The following ANXA2 variants were observed in gnomAD, a reference collection of about 807,000 sequenced individuals.
ANXA2 encodes the protein annexin II.
In ANXA2, 28 loss-of-function variants were observed where a neutral mutation model predicts 47.3. That is an observed-to-expected ratio of 0.59 (90% CI 0.44 to 0.81). The LOEUF (loss-of-function observed/expected upper bound fraction) is 0.81. Ranked by LOEUF, ANXA2 falls within the 40% of genes least tolerant of loss-of-function variation. ANXA2 has a pLI of 0.00. For missense variants in ANXA2, 384 were observed against 414.3 expected (o/e 0.93, Z 0.64); for synonymous variants, 172 against 155.5 (o/e 1.11, Z -0.79).
chr15:60,391,927 C>A (rs8024024), intron 1 of ANXA2, among the ~76,000 whole-genome samples: 119,306 of 151,884 alleles, frequency 0.79, 47,532 homozygotes, highest in East Asian at 1. Flanking sequence ...CAAATTCAAT[C>A]TGTTGATGAG....
chr15:60,376,955 C>T (rs1325486410), intron 3 of ANXA2, among the ~76,000 whole-genome samples: 2 of 152,252 alleles, frequency 1.3e-5, no homozygotes, highest in Admixed American at 6.5e-5. Context: ...GGCACACTCA[C>T]ACACACGTGT....
chr15:60,372,543 G>A (rs1347144892), intron 3 of ANXA2, among the ~76,000 whole-genome samples: 5 of 152,078 alleles, frequency 3.3e-5, no homozygotes, highest in African/African-American at 4.8e-5. Flanking sequence ...CTTACCTGAC[G>A]TGCTACTTAC....
At chr15:60,376,953 C>T (rs1201373920) in intron 3 of ANXA2, among the ~76,000 whole-genome samples, 1 of 152,238 alleles carries the variant, frequency 6.6e-6, no homozygotes, top group East Asian at 1.9e-4. Context: ...CCGGCACACT[C>T]ACACACACGT....
Position 60,357,248 on chromosome 15 carries a change from G to A in ANXA2, c.358-12C>T, listed in dbSNP as rs1486305647. 6.2e-7 allele frequency: 1 copy of A among 1,612,050 alleles called. No homozygotes were observed. The highest frequency in any genetic ancestry group is 1.1e-5 in the South Asian group (1 of 91,026). Reference sequence around the variant, plus strand: ...TCGGTTCCCAGCCCCTGTGAACCAGGAAGCACGAACATCAGCAGGGAAATG... The same window carrying A: ...TCGGTTCCCAGCCCCTGTGAACCAGAAAGCACGAACATCAGCAGGGAAATG... On this transcript the variant is annotated splice_polypyrimidine_tract_variant and intron_variant, in intron 5 of 12. Transcript: ENST00000451270.
intron 3 of ANXA2, among the ~76,000 whole-genome samples, chr15:60,372,888 G>T (rs988338336): frequency 6.6e-6 from 1 of 151,486 alleles, no homozygotes; most frequent in African/African-American, 2.4e-5. Context: ...TAGGGATGAG[G>T]TCTCCCTTTG....
intron 3 of ANXA2, among the ~76,000 whole-genome samples, chr15:60,368,563 A>C (rs1367997459): frequency 6.6e-6 from 1 of 151,912 alleles, no homozygotes; most frequent in Non-Finnish European, 1.5e-5. Flanking sequence ...GGTACTGTTA[A>C]GTAAAAAAAA....
chr15:60,349,567 G>C (rs1393120903), intron 11 of ANXA2, among the ~76,000 whole-genome samples: 2 of 152,026 alleles, frequency 1.3e-5, no homozygotes, highest in African/African-American at 4.8e-5. Flanking sequence ...CTGGTCCCAA[G>C]CATTTTGGAT....
intron 3 of ANXA2, among the ~76,000 whole-genome samples, chr15:60,372,531 C>T (rs996388092): frequency 3.3e-5 from 5 of 152,148 alleles, no homozygotes; most frequent in African/African-American, 1.2e-4. Context: ...AAGGGGCCTG[C>T]TCTTACCTGA....
chr15:60,397,583 G>A (rs1028446788), intron 1 of ANXA2, among the ~76,000 whole-genome samples: 1 of 152,164 alleles, frequency 6.6e-6, no homozygotes, highest in African/African-American at 2.4e-5. Context: ...GGGCGGCCAC[G>A]CCCTGCCTCG....
chr15:60,354,056 G>T, intron 8 of ANXA2, 98 bp downstream of exon 8: 2 of 924,006 alleles, frequency 2.2e-6, no homozygotes, highest in Non-Finnish European at 3.3e-6. Context: ...AAGCCACAGA[G>T]TTTGGGAGTC....
intron 10 of ANXA2, 135 bp from the exon 11 acceptor site, chr15:60,351,386 G>T: frequency 1.2e-6 from 1 of 863,696 alleles, no homozygotes; most frequent in Non-Finnish European, 1.9e-6. Flanking sequence ...AAATAGGACA[G>T]GCTAAGGGAA....
At chr15:60,380,463 C>T (rs1450196752) in intron 3 of ANXA2, among the ~76,000 whole-genome samples, 9 of 145,666 alleles carry the variant, frequency 6.2e-5, no homozygotes, top group Non-Finnish European at 1.3e-4. Flanking sequence ...TGAGTAGTAA[C>T]TTTTGGCAAG....
chr15:60,385,157 C>T (rs1464258547), intron 2 of ANXA2, among the ~76,000 whole-genome samples: 1 of 152,064 alleles, frequency 6.6e-6, no homozygotes, highest in Non-Finnish European at 1.5e-5. Context: ...TCCCTAATAG[C>T]CACAGAAAAA....
intron 1 of ANXA2, chr15:60,393,205 G>T: frequency 8.7e-7 from 1 of 1,151,738 alleles, no homozygotes; most frequent in Non-Finnish European, 1.1e-6. Flanking sequence ...TCTGTGGCCT[G>T]ATCTGAATCA....
At chr15:60,370,560 T>C (rs2062697439) in intron 3 of ANXA2, among the ~76,000 whole-genome samples, 1 of 152,168 alleles carries the variant, frequency 6.6e-6, no homozygotes. Context: ...TCAGTACAGG[T>C]TGAGGTTGCA....
intron 4 of ANXA2, among the ~76,000 whole-genome samples, chr15:60,363,649 C>G (rs2062550634): frequency 6.6e-6 from 1 of 152,172 alleles, no homozygotes; most frequent in Admixed American, 6.5e-5. Flanking sequence ...TGTTTCTTAA[C>G]CACTAGTGGA....
At chr15:60,360,171 T>C (rs2062492648) in intron 5 of ANXA2, among the ~76,000 whole-genome samples, 1 of 152,062 alleles carries the variant, frequency 6.6e-6, no homozygotes, top group East Asian at 1.9e-4. Flanking sequence ...CAGGAGAATC[T>C]CTTGAACCCG....
At chr15:60,382,033 A>T (rs2062867606) in intron 3 of ANXA2, among the ~76,000 whole-genome samples, 1 of 103,922 alleles carries the variant, frequency 9.6e-6, no homozygotes, top group Admixed American at 1.3e-4. Flanking sequence ...GAAGGGAGGG[A>T]GGAAAGGAAA....
At chr15:60,375,387 G>A (rs532785241) in intron 3 of ANXA2, among the ~76,000 whole-genome samples, 71 of 152,258 alleles carry the variant, frequency 4.7e-4, no homozygotes, top group African/African-American at 1.7e-3. Flanking sequence ...CACTAACTCT[G>A]GGGTTGTGCT....
Sources: gnomAD v4.1 joint callset for allele counts (sites outside exome capture counted in the v4.1 genomes callset) on GRCh38, gnomAD v4.1.1 for gene constraint, MANE v1.5 for transcripts, NCBI Gene and HGNC (gene_info 2026-07-23, HGNC 2026-07-21) for gene names.